Variants in CACNA2D3 observed in about 807,000 individuals in gnomAD.
CACNA2D3 encodes calcium voltage-gated channel auxiliary subunit alpha2delta 3.
In CACNA2D3, 60 loss-of-function variants were observed where a neutral mutation model predicts 160.6. The ratio of observed to expected loss-of-function variants is 0.37; its 90% CI spans 0.30 to 0.46. The LOEUF (loss-of-function observed/expected upper bound fraction) is 0.46, where lower values mean the gene tolerates loss of function less well. CACNA2D3 is among the 20% of genes least tolerant of loss of function. CACNA2D3 has a pLI of 1.00. For synonymous variants in CACNA2D3, 558 were observed against 492.9 expected, an observed-to-expected ratio of 1.13 and a Z score of -1.75; for missense variants, 1,205 against 1,365.0, an observed-to-expected ratio of 0.88 and a Z score of 1.85.
At chr3:54,130,601 C>T (rs141910387) in intron 2 of CACNA2D3, among the ~76,000 whole-genome samples, 3 of 152,214 alleles carry the variant, frequency 2.0e-5, no homozygotes, top group African/African-American at 7.2e-5. Flanking sequence ...CTACCATTCA[C>T]CCCATTTTAC....
At position 54,564,884 on chromosome 3, in the gene CACNA2D3, G is replaced by T. The variant is rs77127055; in HGVS notation, c.676+1953G>T. Among the ~76,000 whole-genome samples, 552 of 152,306 alleles carry T rather than the reference G, an allele frequency of 3.6e-3. 1 individual carries two copies. Among genetic ancestry groups the T allele is most frequent in the Non-Finnish European group, 5.9e-3 (402 of 68,028 alleles). On this transcript the variant is annotated intron_variant, in intron 6 of 37. Coordinates refer to ENST00000474759, the MANE Select transcript of CACNA2D3 (RefSeq NM_018398.3). ...GCTCATGTAATTTGAAATCTAGGGAGTGTGCCATTTGGGCGACAGCAATGA... is the reference window on the plus strand; with the variant it reads ...GCTCATGTAATTTGAAATCTAGGGATTGTGCCATTTGGGCGACAGCAATGA...
intron 4 of CACNA2D3, among the ~76,000 whole-genome samples, chr3:54,421,721 C>T (rs561768701): frequency 6.6e-5 from 10 of 152,022 alleles, no homozygotes; most frequent in East Asian, 5.8e-4. Flanking sequence ...GGCATGTTGA[C>T]GATAAGAATT....
At chr3:54,722,245 T>G (rs1701182600) in intron 11 of CACNA2D3, among the ~76,000 whole-genome samples, 1 of 152,260 alleles carries the variant, frequency 6.6e-6, no homozygotes, top group Non-Finnish European at 1.5e-5. Flanking sequence ...TCTCATGCTG[T>G]GTTTTTCACC....
At chr3:54,406,774 A>G (rs1423779050) in intron 4 of CACNA2D3, among the ~76,000 whole-genome samples, 6 of 152,104 alleles carry the variant, frequency 3.9e-5, no homozygotes, top group Non-Finnish European at 7.4e-5. Context: ...ATAGTAGTGT[A>G]TTGTATTCCG....
chr3:55,005,349 T>C (rs932371357), intron 32 of CACNA2D3, among the ~76,000 whole-genome samples: 1 of 152,044 alleles, frequency 6.6e-6, no homozygotes, highest in Non-Finnish European at 1.5e-5. Flanking sequence ...ATCCAGTAAT[T>C]ATATGAATGA....
chr3:54,538,952 G>A (rs936891295), intron 5 of CACNA2D3, among the ~76,000 whole-genome samples: 1 of 152,170 alleles, frequency 6.6e-6, no homozygotes, highest in Non-Finnish European at 1.5e-5. Flanking sequence ...TTTTCTCGTG[G>A]CTCTGCTGCT....
At chr3:54,890,118 T>G (rs1700022302) in intron 24 of CACNA2D3, among the ~76,000 whole-genome samples, 1 of 152,216 alleles carries the variant, frequency 6.6e-6, no homozygotes, top group South Asian at 2.1e-4. Flanking sequence ...GAGAATACTT[T>G]GGATCAAATT....
At chr3:54,914,064 G>A (rs1004594940) in intron 27 of CACNA2D3, among the ~76,000 whole-genome samples, 1 of 152,134 alleles carries the variant, frequency 6.6e-6, no homozygotes, top group African/African-American at 2.4e-5. Flanking sequence ...AGAATGGTGA[G>A]GATCGTGTTG....
At chr3:54,847,980 T>G (rs1698971864) in intron 17 of CACNA2D3, among the ~76,000 whole-genome samples, 1 of 152,204 alleles carries the variant, frequency 6.6e-6, no homozygotes, top group South Asian at 2.1e-4. Flanking sequence ...AATTTCCTAT[T>G]TATCATTGCC....
intron 27 of CACNA2D3, among the ~76,000 whole-genome samples, chr3:54,942,183 C>G (rs1464255953): frequency 5.9e-5 from 9 of 152,234 alleles, no homozygotes; most frequent in African/African-American, 1.9e-4. Context: ...GGCAGTGATA[C>G]AACCGTGTAT....
At chr3:54,880,921 G>A (rs1293552763) in intron 21 of CACNA2D3, 58 bp downstream of exon 21, 1 of 1,425,002 alleles carries the variant, frequency 7.0e-7, no homozygotes, top group African/African-American at 1.4e-5. Context: ...TCGGGAGCTA[G>A]CTACTGAGTT....
At chr3:54,990,464 G>C (rs923093388) in intron 31 of CACNA2D3, among the ~76,000 whole-genome samples, 3 of 152,232 alleles carry the variant, frequency 2.0e-5, no homozygotes, top group Admixed American at 1.3e-4. Context: ...CTGGGAGGCG[G>C]AGATTGCGAT....
intron 4 of CACNA2D3, among the ~76,000 whole-genome samples, chr3:54,438,012 G>A (rs535859579): frequency 7.2e-5 from 11 of 152,260 alleles, no homozygotes; most frequent in Admixed American, 5.9e-4. Context: ...TATGAGTTCT[G>A]TAGAGGCTTG....
intron 2 of CACNA2D3, among the ~76,000 whole-genome samples, chr3:54,221,943 G>A (rs563374049): frequency 5.3e-4 from 80 of 151,990 alleles, no homozygotes; most frequent in African/African-American, 1.6e-3. Flanking sequence ...TGAACTCCTA[G>A]GCTCAAGTGA....
chr3:54,187,934 G>A (rs1227456306), intron 2 of CACNA2D3, among the ~76,000 whole-genome samples: 3 of 152,036 alleles, frequency 2.0e-5, no homozygotes, highest in East Asian at 1.9e-4. Context: ...TCCGTGGTCC[G>A]GGGGTTGGGT....
intron 6 of CACNA2D3, among the ~76,000 whole-genome samples, chr3:54,568,885 G>T (rs940471344): frequency 1.3e-5 from 2 of 152,148 alleles, no homozygotes; most frequent in African/African-American, 4.8e-5. Flanking sequence ...GCCCATTGTG[G>T]TCCTGTAGAA....
chr3:54,823,102 G>A (rs1015643800), intron 14 of CACNA2D3, among the ~76,000 whole-genome samples: 1 of 151,724 alleles, frequency 6.6e-6, no homozygotes, highest in Non-Finnish European at 1.5e-5. Context: ...TGATCCACCT[G>A]CCCCAGCCTC....
intron 16 of CACNA2D3, among the ~76,000 whole-genome samples, chr3:54,844,965 T>A (rs1176129163): frequency 6.6e-6 from 1 of 152,156 alleles, no homozygotes. Context: ...CTCCAGTCCA[T>A]CTGAAACTAA....
At chr3:54,123,254 T>C (rs1699512464) in intron 1 of CACNA2D3, among the ~76,000 whole-genome samples, 1 of 152,024 alleles carries the variant, frequency 6.6e-6, no homozygotes. Context: ...CGAATGAAAC[T>C]CAGTGGTCTT....
Sources: allele counts gnomAD v4.1 joint callset (sites outside exome capture counted in the v4.1 genomes callset), GRCh38; gene constraint gnomAD v4.1.1; transcripts MANE v1.5; gene names NCBI Gene and HGNC (gene_info 2026-07-23, HGNC 2026-07-21).